KIF25: variants seen among roughly 807,000 people sequenced by gnomAD.
KIF25 encodes the protein kinesin family member 25, also known as kinesin-like protein KIF25.
In KIF25, 19 loss-of-function variants were observed where a neutral mutation model predicts 32.9. The observed-to-expected ratio is 0.58, with a 90% CI of 0.40 to 0.85. The LOEUF is 0.85. Ranked by LOEUF, KIF25 falls within the 40% of genes least tolerant of loss-of-function variation. KIF25 has a pLI of 0.00. For missense variants in KIF25, 485 were observed against 507.0 expected (o/e 0.96, Z 0.42); for synonymous variants, 225 against 213.7 (o/e 1.05, Z -0.46).
At chr6:168,010,169 C>T (rs1798630057) in intron 4 of KIF25, among the ~76,000 whole-genome samples, 1 of 151,772 alleles carries the variant, frequency 6.6e-6, no homozygotes, top group South Asian at 2.1e-4. Flanking sequence ...TGAATCTTTC[C>T]AGTTTTTTAA....
chr6:168,001,220 G>A (rs898802819), intron 2 of KIF25, among the ~76,000 whole-genome samples: 2 of 152,310 alleles, frequency 1.3e-5, no homozygotes, highest in East Asian at 1.9e-4. Context: ...TCATATTTTC[G>A]AATGTTCGTG....
intron 6 of KIF25, among the ~76,000 whole-genome samples, chr6:168,030,090 C>T (rs1798919922): frequency 6.6e-6 from 1 of 152,220 alleles, no homozygotes; most frequent in Admixed American, 6.5e-5. Flanking sequence ...CCTGTTCTCT[C>T]ACCGTGCTCC....
chr6:168,017,079 C>G (rs1217131215), intron 4 of KIF25, among the ~76,000 whole-genome samples: 1 of 152,268 alleles, frequency 6.6e-6, no homozygotes, highest in Non-Finnish European at 1.5e-5. Flanking sequence ...CTGCCCACGA[C>G]TGCCCGTCCA....
chr6:168,030,610 T>C lies in KIF25; in HGVS notation c.93-163T>C, dbSNP rs140121756. The C allele has an allele frequency of 4.2e-3, 2,257 of 543,480 alleles. 50 individuals are homozygous for C. Among genetic ancestry groups the C allele is most frequent in the African/African-American group, 0.04 (2,033 of 51,028 alleles). 33.7% of individuals were successfully genotyped at this position (543,480 alleles called of 1,614,324 possible). A position where few individuals can be genotyped will look rare whatever the true frequency, so the allele number is the denominator to read the frequency against. On this transcript the variant is annotated intron_variant, in intron 6 of 12. Coordinates refer to ENST00000643607, the MANE Select transcript of KIF25 (RefSeq NM_030615.4). The stretch of plus-strand genomic sequence containing the variant: ...TATCTTTACTCTTTATTAACCTCTG[T>C]TATCTTGAAAAATAACACAGATTAA...
intron 4 of KIF25, among the ~76,000 whole-genome samples, chr6:168,015,913 A>C (rs965710832): frequency 6.6e-6 from 1 of 152,152 alleles, no homozygotes; most frequent in Non-Finnish European, 1.5e-5. Context: ...CGGGTTAGAC[A>C]CTGTAGACCT....
intron 4 of KIF25, among the ~76,000 whole-genome samples, chr6:168,007,227 A>G (rs1234869242): frequency 6.6e-6 from 1 of 152,144 alleles, no homozygotes; most frequent in African/African-American, 2.4e-5. Flanking sequence ...CCTGGCCAAC[A>G]TGGTGAAACC....
At chr6:168,030,331 G>A (rs1398763884) in intron 6 of KIF25, among the ~76,000 whole-genome samples, 2 of 151,934 alleles carry the variant, frequency 1.3e-5, no homozygotes, top group African/African-American at 4.8e-5. Context: ...GCTCAGAGTG[G>A]GATTTTTACA....
In KIF25 at chr6:168,029,570, G is replaced by GGGTGATGTGCACATGGGGC. The variant is rs1289189909; in HGVS notation, c.-16_-15insGGTGATGTGCACATGGGGC. On this transcript the variant is annotated 5_prime_UTR_variant, in exon 6 of 13. In the 5' UTR this introduces an upstream ATG that the reference lacks. Coordinates refer to ENST00000643607, the MANE Select transcript of KIF25 (RefSeq NM_030615.4). ...GCAGGCCAGGCCTGGGTCTGGAGCC[G>GGGTGATGTGCACATGGGGC]TCCTGGCCTTCCCAGATGACATGGA... 6.2e-7 allele frequency: 1 copy of GGGTGATGTGCACATGGGGC among 1,607,944 alleles called. No individual in the cohort carries two copies.
chr6:168,035,740 AG>A lies in KIF25; in HGVS notation c.317+1712del, dbSNP rs773187386. On this transcript the variant is annotated intron_variant, in intron 8 of 12. Coordinates refer to ENST00000643607, the MANE Select transcript of KIF25 (RefSeq NM_030615.4). The stretch of plus-strand genomic sequence containing the variant: ...TCTCGGGTGCTGTGCGTCTCCCTCC[AG>A]GGCACAGTGATTTGCGGCACTGGAA... The A allele has an allele frequency of 1.1e-3, 507 of 456,160 alleles. 2 individuals carry two copies. Among genetic ancestry groups the A allele is most frequent in the South Asian group, 2.4e-3 (158 of 64,560 alleles). 28.3% of individuals were successfully genotyped at this position (456,160 alleles called of 1,614,324 possible).
At chr6:168,029,306 C>A (rs1467749328) in intron 5 of KIF25, among the ~76,000 whole-genome samples, 186 bp from the exon 6 acceptor site, 1 of 152,174 alleles carries the variant, frequency 6.6e-6, no homozygotes, top group African/African-American at 2.4e-5. Context: ...AAGGCAGCAA[C>A]CCTGTGCAAT....
chr6:168,029,259 T>G (rs1410063949), intron 5 of KIF25, among the ~76,000 whole-genome samples: 2 of 152,226 alleles, frequency 1.3e-5, no homozygotes, highest in Non-Finnish European at 2.9e-5. Flanking sequence ...TTTTCAGAAA[T>G]AGTTTGCCAA....
At chr6:168,011,282 T>C (rs1402128801) in intron 4 of KIF25, among the ~76,000 whole-genome samples, 1 of 152,196 alleles carries the variant, frequency 6.6e-6, no homozygotes, top group Non-Finnish European at 1.5e-5. Flanking sequence ...GCATTGGCTA[T>C]ACAAGTGACT....
intron 5 of KIF25, among the ~76,000 whole-genome samples, chr6:168,024,258 A>C (rs1798827134): frequency 6.6e-6 from 1 of 152,222 alleles, no homozygotes. Flanking sequence ...CCCATGGCTT[A>C]GCTTCATCAT....
intron 7 of KIF25, among the ~76,000 whole-genome samples, chr6:168,033,627 G>A (rs1021281605): frequency 6.6e-6 from 1 of 152,140 alleles, no homozygotes; most frequent in Non-Finnish European, 1.5e-5. Context: ...AGGAGAAACC[G>A]GGATGGATGA....
At chr6:168,042,995 G>A (rs183498425) in intron 12 of KIF25, among the ~76,000 whole-genome samples, 25 of 152,276 alleles carry the variant, frequency 1.6e-4, no homozygotes, top group Middle Eastern at 3.4e-3. Flanking sequence ...CTTCACCAGG[G>A]GTCCGCCAGA....
intron 4 of KIF25, among the ~76,000 whole-genome samples, chr6:168,007,970 G>A (rs1583126286): frequency 6.6e-6 from 1 of 152,322 alleles, no homozygotes; most frequent in South Asian, 2.1e-4. Context: ...AGGCCCTACT[G>A]CATCACTCTT....
intron 8 of KIF25, among the ~76,000 whole-genome samples, chr6:168,034,717 G>A (rs1798991673): frequency 6.6e-6 from 1 of 152,228 alleles, no homozygotes; most frequent in South Asian, 2.1e-4. Context: ...GCCATCAGGA[G>A]TGTATGCATT....
chr6:168,010,748 G>A (rs934811279), intron 4 of KIF25, among the ~76,000 whole-genome samples: 3 of 151,932 alleles, frequency 2.0e-5, no homozygotes, highest in African/African-American at 4.8e-5. Context: ...ATTGTATTGG[G>A]GCCTATCTTA....
intron 8 of KIF25, among the ~76,000 whole-genome samples, chr6:168,034,700 T>A (rs1246351160): frequency 6.6e-6 from 1 of 152,178 alleles, no homozygotes; most frequent in Admixed American, 6.5e-5. Context: ...TCGCCCTTCC[T>A]CCTGCCGCCA....
Sources: gnomAD v4.1 joint callset for allele counts (sites outside exome capture counted in the v4.1 genomes callset) on GRCh38, gnomAD v4.1.1 for gene constraint, MANE v1.5 for transcripts, NCBI Gene and HGNC (gene_info 2026-07-23, HGNC 2026-07-21) for gene names.